Variants in PDE4D observed in about 807,000 individuals in gnomAD.
The protein encoded by PDE4D is 3',5'-cyclic-AMP phosphodiesterase 4D.
A neutral mutation model predicts 87.4 loss-of-function variants in PDE4D; 24 were observed. That is an observed-to-expected ratio of 0.27 (90% CI 0.20 to 0.39). PDE4D has a LOEUF of 0.39. PDE4D is among the 10% of genes least tolerant of loss of function. The probability of loss-of-function intolerance (pLI) is 1.00; values close to 1 mark genes in which losing one functional copy is unlikely to be tolerated. For synonymous variants in PDE4D, 384 were observed against 383.2 expected (o/e 1.00, Z -0.02); for missense variants, 714 against 1,041.0 (o/e 0.69, Z 4.32).
At chr5:60,064,452 C>T (rs1317069397) in intron 2 of PDE4D, among the ~76,000 whole-genome samples, 7 of 151,968 alleles carry the variant, frequency 4.6e-5, no homozygotes, top group Admixed American at 2.0e-4. Context: ...ACTCAGAGCT[C>T]TCGTTGTGCT....
intron 1 of PDE4D, among the ~76,000 whole-genome samples, chr5:59,803,516 C>T (rs1767393818): frequency 6.6e-6 from 1 of 152,042 alleles, no homozygotes; most frequent in Non-Finnish European, 1.5e-5. Context: ...CCAGGCTGGT[C>T]TCGAATTCCT....
intron 1 of PDE4D, among the ~76,000 whole-genome samples, chr5:59,750,410 T>A (rs1040388306): frequency 3.9e-5 from 6 of 152,140 alleles, no homozygotes; most frequent in African/African-American, 1.2e-4. Flanking sequence ...TTTCTATAAC[T>A]TCCCCCCTCC....
At chr5:59,102,081 CTTTT>C (rs34811771) in intron 5 of PDE4D, among the ~76,000 whole-genome samples, 3 of 96,182 alleles carry the variant, frequency 3.1e-5, no homozygotes, top group Non-Finnish European at 4.0e-5. Flanking sequence ...TTTTTCCCTA[CTTTT>C]TTTTTTTTTT....
chr5:59,667,051 T>A (rs1430175864), intron 1 of PDE4D, among the ~76,000 whole-genome samples: 1 of 152,158 alleles, frequency 6.6e-6, no homozygotes, highest in Non-Finnish European at 1.5e-5. Flanking sequence ...AATGTCAAAA[T>A]GAACAACAAA....
chr5:60,442,649 T>C (rs789615), intron 1 of PDE4D, among the ~76,000 whole-genome samples: 56,987 of 151,836 alleles, frequency 0.38, 11,228 homozygotes, highest in South Asian at 0.59. Context: ...AGATAAGCAC[T>C]ATAAAAGTGG....
At chr5:59,977,066 A>G (rs1761414002) in intron 3 of PDE4D, among the ~76,000 whole-genome samples, 1 of 152,172 alleles carries the variant, frequency 6.6e-6, no homozygotes, top group African/African-American at 2.4e-5. Flanking sequence ...TAACCTTACA[A>G]TGGCCTATAA....
chr5:59,537,798 A>G (rs985273694), intron 1 of PDE4D, among the ~76,000 whole-genome samples: 3 of 152,248 alleles, frequency 2.0e-5, no homozygotes, highest in Admixed American at 1.3e-4. Context: ...TAATAACACT[A>G]TAACATTAAG....
Position 59,962,895 on chromosome 5 carries a change from AT to A in PDE4D, c.272+25592del, listed in dbSNP as rs1341782427. Among the ~76,000 whole-genome samples, 3 of 152,098 alleles carry A rather than the reference AT, an allele frequency of 2.0e-5. No individual in the cohort carries two copies. The East Asian group carries it at 5.8e-4, about 29-fold the overall frequency. On this transcript the variant is annotated intron_variant, in intron 3 of 16. Coordinates refer to the PDE4D transcript ENST00000502484. The stretch of plus-strand genomic sequence containing the variant: ...GGCTTGTATTATATTAGTAATTGTT[AT>A]TTTTGCTCTTAAAGGGAATTCCATA...
chr5:60,374,283 C>T (rs1368137519), intron 1 of PDE4D, among the ~76,000 whole-genome samples: 1 of 151,960 alleles, frequency 6.6e-6, no homozygotes, highest in Non-Finnish European at 1.5e-5. Context: ...TTTGCCATCT[C>T]TCTCCCCCCA....
chr5:59,594,104 C>G (rs886946893), intron 1 of PDE4D, among the ~76,000 whole-genome samples: 3 of 151,296 alleles, frequency 2.0e-5, no homozygotes, highest in African/African-American at 7.3e-5. Flanking sequence ...AAAGGAAATA[C>G]TCAATTCCAG....
At chr5:60,071,112 A>G (rs1470027730) in intron 2 of PDE4D, among the ~76,000 whole-genome samples, 1 of 151,752 alleles carries the variant, frequency 6.6e-6, no homozygotes, top group Non-Finnish European at 1.5e-5. Context: ...AATTTAGTTT[A>G]TATTTATAAA....
intron 1 of PDE4D, among the ~76,000 whole-genome samples, chr5:59,504,902 A>ATGTGTGTGTGTGTGTGTGTGTG (rs61507201): frequency 6.9e-6 from 1 of 145,710 alleles, no homozygotes; most frequent in Non-Finnish European, 1.5e-5. Flanking sequence ...GTAGGGGTAT[A>ATGTGTGTGTGTGTGTGTGTGTG]TGTGTGTGTG....
intron 2 of PDE4D, among the ~76,000 whole-genome samples, chr5:60,056,593 G>A (rs142716611): frequency 7.9e-5 from 12 of 152,050 alleles, no homozygotes; most frequent in African/African-American, 2.6e-4. Context: ...CTATGATTCC[G>A]TATATCTATA....
intron 1 of PDE4D, among the ~76,000 whole-genome samples, chr5:60,378,895 G>A (rs1039691419): frequency 4.6e-5 from 7 of 151,878 alleles, no homozygotes; most frequent in East Asian, 1.9e-4. Flanking sequence ...GAGAGAGAGA[G>A]AGAAAGAAAG....
chr5:59,391,607 C>A (rs1351066803), intron 1 of PDE4D, among the ~76,000 whole-genome samples: 1 of 152,094 alleles, frequency 6.6e-6, no homozygotes, highest in Non-Finnish European at 1.5e-5. Flanking sequence ...GTTTAAAGGT[C>A]TTTGTTTAAT....
At chr5:59,308,698 A>G (rs1161314796) in intron 1 of PDE4D, among the ~76,000 whole-genome samples, 2 of 151,772 alleles carry the variant, frequency 1.3e-5, no homozygotes, top group African/African-American at 2.4e-5. Flanking sequence ...GGGGGTTCTT[A>G]GCTTTCGTGG....
At chr5:59,796,863 C>T (rs527972020) in intron 1 of PDE4D, among the ~76,000 whole-genome samples, 1 of 152,040 alleles carries the variant, frequency 6.6e-6, no homozygotes, top group South Asian at 2.1e-4. Flanking sequence ...ATGCTCAAAC[C>T]CAAACAAGTA....
chr5:59,364,022 A>G (rs1782656008), intron 1 of PDE4D, among the ~76,000 whole-genome samples: 2 of 152,232 alleles, frequency 1.3e-5, no homozygotes, highest in African/African-American at 4.8e-5. Context: ...ACCAAAGGTA[A>G]CAATGTGCTA....
At chr5:59,477,244 T>C (rs549444508) in intron 1 of PDE4D, among the ~76,000 whole-genome samples, 2 of 150,940 alleles carry the variant, frequency 1.3e-5, no homozygotes, top group Non-Finnish European at 3.0e-5. Context: ...TTTACTCTTA[T>C]AAAACAATTT....
Sources: gnomAD v4.1 joint callset for allele counts (sites outside exome capture counted in the v4.1 genomes callset) on GRCh38, gnomAD v4.1.1 for gene constraint, MANE v1.5 for transcripts, NCBI Gene and HGNC (gene_info 2026-07-23, HGNC 2026-07-21) for gene names.